The following FAM76A variants were observed in gnomAD, a reference collection of about 807,000 sequenced individuals.
FAM76A encodes protein FAM76A.
Under a neutral mutation model 46.2 loss-of-function variants are expected in FAM76A, and 32 were observed. The ratio of observed to expected loss-of-function variants is 0.69; its 90% CI spans 0.52 to 0.93. The LOEUF (loss-of-function observed/expected upper bound fraction) is 0.93, where lower values mean the gene tolerates loss of function less well. Ranked by LOEUF, FAM76A falls within the 40% of genes least tolerant of loss-of-function variation. The pLI, the probability that FAM76A is intolerant of heterozygous loss-of-function variation, is 0.00. For missense variants in FAM76A, 274 were observed against 361.5 expected, an observed-to-expected ratio of 0.76 and a Z score of 1.96; for synonymous variants, 137 against 127.0, an observed-to-expected ratio of 1.08 and a Z score of -0.53.
At position 27,734,103 on chromosome 1, in the gene FAM76A, G is replaced by T. The variant is rs2088004396; in HGVS notation, c.274G>T (p.Glu92Ter). ...TAAATGCCAGCGCTGCACAAATTCA[G>T]AAAAGAAGTATGGACCACCCTATTC... is the stretch of plus-strand genomic sequence containing the variant. ...GNKCQRCTNSEKKYGPPYSCE... is the reference protein window; with the variant it reads ...GNKCQRCTNS Residue 92 changes from glutamate (E) to a stop codon, truncating the protein, a stop_gained, in exon 4 of 9, where the codon GAA becomes TAA. Transcript: ENST00000373954. LOFTEE classifies it high-confidence loss of function. 1 of 1,612,924 alleles carries T rather than the reference G, an allele frequency of 6.2e-7. No individual in the cohort carries two copies. The highest frequency in any genetic ancestry group is 1.3e-5 in the African/African-American group (1 of 74,784).
At chr1:27,740,522 AT>A in intron 4 of FAM76A, 1 of 1,380,034 alleles carries the variant, frequency 7.2e-7, no homozygotes, top group Non-Finnish European at 1.0e-6. Flanking sequence ...AGCTAACATG[AT>A]TATGTCTGGA....
At chr1:27,748,469 GTTTT>G (rs1162208303) in intron 5 of FAM76A, among the ~76,000 whole-genome samples, 2 of 112,632 alleles carry the variant, frequency 1.8e-5, no homozygotes, top group African/African-American at 3.4e-5. Flanking sequence ...TCTTATTGAA[GTTTT>G]TTTTTTTTTT....
Position 27,760,653 on chromosome 1 carries a change from C to A in FAM76A, c.*72C>A. The A allele has an allele frequency of 9.4e-7, 1 of 1,066,446 alleles. No homozygotes were observed. Among genetic ancestry groups the A allele is most frequent in the Non-Finnish European group, 1.4e-6 (1 of 728,976 alleles). 66.1% of individuals were successfully genotyped at this position (1,066,446 alleles called of 1,614,324 possible). A position where few individuals can be genotyped will look rare whatever the true frequency, so the allele number is the denominator to read the frequency against. On this transcript the variant is annotated 3_prime_UTR_variant, in exon 9 of 9. Transcript: ENST00000373954. ...GGTTAGGGTTGGAGACCTGGCTGTT[C>A]TGTGGGAATTGCAAGCTTTCTTAAG...
intron 6 of FAM76A, among the ~76,000 whole-genome samples, chr1:27,753,065 C>A (rs1252763662): frequency 6.6e-6 from 1 of 152,150 alleles, no homozygotes; most frequent in Non-Finnish European, 1.5e-5. Context: ...GAGGCTAAGG[C>A]GGGAGAATCA....
intron 5 of FAM76A, 21 bp downstream of exon 5, chr1:27,744,832 A>G (rs774096981): frequency 6.2e-7 from 1 of 1,610,514 alleles, no homozygotes; most frequent in Non-Finnish European, 8.5e-7. Flanking sequence ...GACACATGAG[A>G]TGGGACTAGA....
At chr1:27,756,263 CTTTAATATGTTAATAT>C (rs1449057944) in intron 7 of FAM76A, among the ~76,000 whole-genome samples, 1 of 152,146 alleles carries the variant, frequency 6.6e-6, no homozygotes, top group Non-Finnish European at 1.5e-5. Context: ...AGTGACCCAT[CTTTAATATGTTAATAT>C]TTTAATATCT....
chr1:27,729,072 G>C (rs2087912738), intron 2 of FAM76A, among the ~76,000 whole-genome samples: 2 of 152,084 alleles, frequency 1.3e-5, no homozygotes, highest in Admixed American at 1.3e-4. Flanking sequence ...GATTCTTGTG[G>C]AACTTCTGTG....
rs758129603 is a variant in FAM76A at position 27,761,683 on chromosome 1, C to A, written c.*1102C>A. ...CAGATTAAAAATGGAATAATATGGT[C>A]GGGTGCGGTGGCTCACGCCTGTAAT... On this transcript the variant is annotated 3_prime_UTR_variant, in exon 9 of 9. Transcript: ENST00000373954. The A allele has an allele frequency of 6.6e-6, 1 of 152,312 alleles. No individual in the cohort carries two copies. The highest frequency in any genetic ancestry group is 1.5e-5 in the Non-Finnish European group (1 of 68,032). The allele number at this position is 152,312 out of a possible 1,614,324, so 9.4% of individuals were successfully genotyped here.
intron 4 of FAM76A, among the ~76,000 whole-genome samples, chr1:27,737,267 GTTTATT>G (rs1043278770): frequency 5.3e-5 from 8 of 152,182 alleles, no homozygotes; most frequent in African/African-American, 1.9e-4. Context: ...TATTTCTAAA[GTTTATT>G]TTTAAGAGAC....
intron 4 of FAM76A, among the ~76,000 whole-genome samples, chr1:27,742,942 A>G (rs1446528504): frequency 6.6e-6 from 1 of 152,118 alleles, no homozygotes; most frequent in African/African-American, 2.4e-5. Context: ...AGGCGCTTGT[A>G]ATCCCAGCTA....
chr1:27,756,981 C>T (rs2088419402), intron 7 of FAM76A, among the ~76,000 whole-genome samples: 1 of 151,702 alleles, frequency 6.6e-6, no homozygotes. Flanking sequence ...ATCACCTTAG[C>T]CTGGGAGGTC....
At chr1:27,758,749 G>T (rs2088457726) in intron 7 of FAM76A, among the ~76,000 whole-genome samples, 1 of 147,576 alleles carries the variant, frequency 6.8e-6, no homozygotes, top group Non-Finnish European at 1.5e-5. Context: ...AAACTCCTGA[G>T]CTCAAGTATT....
chr1:27,728,667 A>C (rs1029218607), intron 2 of FAM76A, among the ~76,000 whole-genome samples: 2 of 152,170 alleles, frequency 1.3e-5, no homozygotes. Context: ...CTCATTTTTA[A>C]AAGTGTGAAA....
Position 27,755,180 on chromosome 1 carries a change from GATTTTTAA to G in FAM76A, c.600-10_600-3del. ...CATCCAAGTTAAAATATTTTCCCCT[GATTTTTAA>G]ATTTAGCTTCTCCCCAGACCTGGCT... On this transcript the variant is annotated splice_polypyrimidine_tract_variant and splice_region_variant and intron_variant, in intron 6 of 8. Transcript: ENST00000373954. 6.2e-7 allele frequency: 1 copy of G among 1,613,398 alleles called. No individual in the cohort carries two copies. Among genetic ancestry groups the G allele is most frequent in the South Asian group, 1.1e-5 (1 of 91,034 alleles).
chr1:27,747,191 G>A (rs2088254528), intron 5 of FAM76A, among the ~76,000 whole-genome samples: 1 of 152,208 alleles, frequency 6.6e-6, no homozygotes, highest in African/African-American at 2.4e-5. Flanking sequence ...CATCCCAGAT[G>A]ATTCTAATGC....
intron 2 of FAM76A, among the ~76,000 whole-genome samples, chr1:27,731,570 T>G (rs2087958961): frequency 6.6e-6 from 1 of 151,214 alleles, no homozygotes; most frequent in Non-Finnish European, 1.5e-5. Context: ...TCATATGCCT[T>G]TACTTATGAA....
At chr1:27,738,094 A>C (rs1209718469) in intron 4 of FAM76A, among the ~76,000 whole-genome samples, 1 of 151,786 alleles carries the variant, frequency 6.6e-6, no homozygotes, top group Non-Finnish European at 1.5e-5. Flanking sequence ...GCCTGATGGC[A>C]TCCTGTGGTA....
At chr1:27,728,453 A>G (rs958933909) in intron 2 of FAM76A, among the ~76,000 whole-genome samples, 1 of 151,502 alleles carries the variant, frequency 6.6e-6, no homozygotes, top group African/African-American at 2.4e-5. Flanking sequence ...CCCGGGCCCA[A>G]GTGATCCTCC....
rs577845081 is a variant in FAM76A, at chr1:27,755,378, A to G, written c.735+48A>G. The G allele has an allele frequency of 1.9e-5, 30 of 1,605,386 alleles. No individual in the cohort carries two copies. In the East Asian group the frequency reaches 5.8e-4, roughly 31 times the overall value. On this transcript the variant is annotated intron_variant, in intron 7 of 8. Coordinates refer to ENST00000373954, the MANE Select transcript of FAM76A (RefSeq NM_152660.3). ...CTGACCAGAATGATGCGAGGGTGAG[A>G]TATGTGGTATGGGACATGATAATAA...
Sources: allele counts gnomAD v4.1 joint callset (sites outside exome capture counted in the v4.1 genomes callset), GRCh38; gene constraint gnomAD v4.1.1; transcripts MANE v1.5; gene names NCBI Gene and HGNC (gene_info 2026-07-23, HGNC 2026-07-21).